Variants in PPP1R1C observed in about 807,000 individuals in gnomAD.
The protein encoded by PPP1R1C is protein phosphatase 1 regulatory subunit 1C.
In PPP1R1C, 15 loss-of-function variants were observed where a neutral mutation model predicts 17.4. The observed-to-expected ratio is 0.86, with a 90% CI of 0.58 to 1.33. PPP1R1C has a LOEUF of 1.33. Ranked by LOEUF, PPP1R1C falls within the 40% of genes most tolerant of loss-of-function variation. PPP1R1C has a pLI of 0.00. For synonymous variants in PPP1R1C, 35 were observed against 43.1 expected (o/e 0.81, Z 0.73); for missense variants, 143 against 130.0 (o/e 1.10, Z -0.48).
At chr2:182,101,100 C>T (rs1018786975) in intron 4 of PPP1R1C, among the ~76,000 whole-genome samples, 3 of 152,186 alleles carry the variant, frequency 2.0e-5, no homozygotes, top group Non-Finnish European at 4.4e-5. Flanking sequence ...GATAATGTTA[C>T]TCGGTGAGAA....
At chr2:182,017,488 A>G (rs1229228124) in intron 2 of PPP1R1C, among the ~76,000 whole-genome samples, 2 of 152,112 alleles carry the variant, frequency 1.3e-5, no homozygotes, top group Non-Finnish European at 2.9e-5. Flanking sequence ...TATATCAACA[A>G]AAAATGAGTG....
intron 2 of PPP1R1C, among the ~76,000 whole-genome samples, chr2:181,994,726 G>A (rs1005706059): frequency 3.3e-5 from 5 of 152,074 alleles, no homozygotes; most frequent in African/African-American, 1.2e-4. Flanking sequence ...GGGAACATGT[G>A]GTCTAGGTAA....
At chr2:182,091,579 T>G (rs1486422408) in intron 4 of PPP1R1C, among the ~76,000 whole-genome samples, 3 of 152,126 alleles carry the variant, frequency 2.0e-5, no homozygotes, top group African/African-American at 7.2e-5. Context: ...AGAAGATACT[T>G]GAGTTATGTT....
intron 4 of PPP1R1C, among the ~76,000 whole-genome samples, chr2:182,110,321 A>T (rs551292474): frequency 6.6e-6 from 1 of 152,210 alleles, no homozygotes; most frequent in Non-Finnish European, 1.5e-5. Flanking sequence ...AAAATAAAAT[A>T]TAACTTTAAA....
intron 2 of PPP1R1C, among the ~76,000 whole-genome samples, chr2:182,046,764 AC>A (rs1411105231): frequency 6.6e-6 from 1 of 151,762 alleles, no homozygotes; most frequent in Non-Finnish European, 1.5e-5. Context: ...AGAAAGAAAT[AC>A]GTTGATAATA....
At chr2:182,049,887 C>A (rs1312551688) in intron 2 of PPP1R1C, among the ~76,000 whole-genome samples, 1 of 152,162 alleles carries the variant, frequency 6.6e-6, no homozygotes, top group East Asian at 1.9e-4. Context: ...AAGGCAGAGA[C>A]AAATTGCATG....
chr2:181,970,286 A>G (rs1210381859), intron 1 of PPP1R1C, among the ~76,000 whole-genome samples: 3 of 152,136 alleles, frequency 2.0e-5, no homozygotes, highest in Non-Finnish European at 4.4e-5. Context: ...GAAGGCTTTC[A>G]GGGTATTTGA....
intron 4 of PPP1R1C, among the ~76,000 whole-genome samples, chr2:182,086,814 G>A (rs1688641523): frequency 6.6e-6 from 1 of 151,940 alleles, no homozygotes; most frequent in African/African-American, 2.4e-5. Flanking sequence ...GTAACTGTCT[G>A]TGTAAGACCT....
intron 4 of PPP1R1C, among the ~76,000 whole-genome samples, chr2:182,067,154 G>A (rs1254655884): frequency 6.6e-6 from 1 of 152,076 alleles, no homozygotes; most frequent in Non-Finnish European, 1.5e-5. Flanking sequence ...TAGCCAGTCA[G>A]ATTTTTCATT....
At chr2:182,077,564 A>G (rs1301307790) in intron 4 of PPP1R1C, among the ~76,000 whole-genome samples, 1 of 152,060 alleles carries the variant, frequency 6.6e-6, no homozygotes, top group African/African-American at 2.4e-5. Flanking sequence ...AGATAAATAT[A>G]TTTTTTCACG....
At chr2:182,097,062 G>A (rs572189729) in intron 4 of PPP1R1C, among the ~76,000 whole-genome samples, 114 of 152,292 alleles carry the variant, frequency 7.5e-4, no homozygotes, top group African/African-American at 2.3e-3. Context: ...TTATGCAAAT[G>A]CAAGGGTACC....
At chr2:182,015,458 A>G (rs1686235334) in intron 2 of PPP1R1C, among the ~76,000 whole-genome samples, 1 of 152,058 alleles carries the variant, frequency 6.6e-6, no homozygotes, top group African/African-American at 2.4e-5. Flanking sequence ...CAGTGTGCAA[A>G]TGGACTAATA....
At chr2:182,077,501 A>G (rs1355019657) in intron 4 of PPP1R1C, among the ~76,000 whole-genome samples, 1 of 152,182 alleles carries the variant, frequency 6.6e-6, no homozygotes, top group Non-Finnish European at 1.5e-5. Flanking sequence ...CTTTGCATCT[A>G]TATCAGCATC....
rs577456820 is a variant in PPP1R1C, at chr2:182,034,461, A to G, written c.143-26981A>G. On this transcript the variant is annotated intron_variant, in intron 2 of 4. Transcript: ENST00000682840. Reference sequence around the variant, plus strand: ...GCCCTGAGGTGGGAAGAAGAATAACATGTTTGAGGAACAAAAAGAAGGTCA... The same window carrying G: ...GCCCTGAGGTGGGAAGAAGAATAACGTGTTTGAGGAACAAAAAGAAGGTCA... Among the ~76,000 whole-genome samples, 14 of 152,274 alleles carry G rather than the reference A, an allele frequency of 9.2e-5. No individual in the cohort carries two copies. In the South Asian group the frequency reaches 2.9e-3, roughly 32 times the overall value.
At chr2:181,995,271 A>G (rs1011916466) in intron 2 of PPP1R1C, among the ~76,000 whole-genome samples, 1 of 152,232 alleles carries the variant, frequency 6.6e-6, no homozygotes, top group Non-Finnish European at 1.5e-5. Context: ...CTGATAAATG[A>G]CAATGATTAC....
At chr2:181,995,903 AG>A (rs1685599286) in intron 2 of PPP1R1C, among the ~76,000 whole-genome samples, 1 of 152,190 alleles carries the variant, frequency 6.6e-6, no homozygotes, top group African/African-American at 2.4e-5. Context: ...AGAATTTACC[AG>A]GGGCTTAAGC....
At chr2:182,069,588 C>A (rs1352419936) in intron 4 of PPP1R1C, among the ~76,000 whole-genome samples, 1 of 152,046 alleles carries the variant, frequency 6.6e-6, no homozygotes, top group African/African-American at 2.4e-5. Flanking sequence ...TGAGATAAAT[C>A]AAATTGAATT....
chr2:182,045,832 C>A (rs899372659), intron 2 of PPP1R1C, among the ~76,000 whole-genome samples: 1 of 151,964 alleles, frequency 6.6e-6, no homozygotes, highest in African/African-American at 2.4e-5. Context: ...CTTAAATGAG[C>A]AATTCTGTGA....
intron 2 of PPP1R1C, among the ~76,000 whole-genome samples, chr2:182,002,354 A>G (rs1341152959): frequency 1.3e-5 from 2 of 152,120 alleles, no homozygotes; most frequent in African/African-American, 4.8e-5. Context: ...TTAAGATATG[A>G]TATAAACTTG....
Sources: allele counts gnomAD v4.1 joint callset (sites outside exome capture counted in the v4.1 genomes callset), GRCh38; gene constraint gnomAD v4.1.1; transcripts MANE v1.5; gene names NCBI Gene and HGNC (gene_info 2026-07-23, HGNC 2026-07-21).